EGF: variants seen among roughly 807,000 people sequenced by gnomAD.
The protein encoded by EGF is epidermal growth factor, also known as pro-epidermal growth factor.
Under a neutral mutation model 143.8 loss-of-function variants are expected in EGF, and 95 were observed. That is an observed-to-expected ratio of 0.66 (90% CI 0.56 to 0.78). EGF has a LOEUF of 0.78. EGF is among the 30% of genes least tolerant of loss of function. EGF has a pLI of 0.00. For synonymous variants in EGF, 510 were observed against 510.5 expected, an observed-to-expected ratio of 1.00 and a Z score of 0.01; for missense variants, 1,320 against 1,470.9, an observed-to-expected ratio of 0.90 and a Z score of 1.68.
At chr4:109,998,346 C>G (rs1284033399) in intron 20 of EGF, among the ~76,000 whole-genome samples, 1 of 152,144 alleles carries the variant, frequency 6.6e-6, no homozygotes, top group Non-Finnish European at 1.5e-5. Flanking sequence ...ATGGTTAGTT[C>G]CAGAAGATAG....
intron 18 of EGF, 138 bp from the exon 19 acceptor site, chr4:109,993,109 T>C (rs1289110935): frequency 4.7e-6 from 4 of 849,338 alleles, no homozygotes; most frequent in Non-Finnish European, 6.3e-6. Context: ...AAAATATATA[T>C]TAAAAAAATA....
chr4:109,946,269 A>G (rs1742851825), intron 5 of EGF, among the ~76,000 whole-genome samples: 1 of 152,196 alleles, frequency 6.6e-6, no homozygotes, highest in South Asian at 2.1e-4. Flanking sequence ...ACTCCCCTAC[A>G]TAAAATCCTT....
intron 1 of EGF, among the ~76,000 whole-genome samples, chr4:109,923,770 G>A (rs911897058): frequency 2.0e-5 from 3 of 151,308 alleles, no homozygotes; most frequent in Non-Finnish European, 2.9e-5. Context: ...ACAGGTGTAC[G>A]CCAGCACACC....
chr4:109,982,353 G>T (rs963047076), intron 15 of EGF, among the ~76,000 whole-genome samples: 2 of 150,790 alleles, frequency 1.3e-5, no homozygotes, highest in African/African-American at 4.9e-5. Context: ...TTTGAGACAG[G>T]GTCTTGCTCT....
In EGF at chr4:109,945,057, T is replaced by C. The variant is rs975174696; in HGVS notation, c.738-16T>C. On this transcript the variant is annotated splice_polypyrimidine_tract_variant and intron_variant, in intron 4 of 23. Transcript: ENST00000265171. ...AATGTTCTGTTGTTCTTTTTTCTTT[T>C]GTGGTTGCTTTTTAGGCATAATTTG... 6 of 1,613,240 alleles carry C rather than the reference T, an allele frequency of 3.7e-6. No homozygotes were observed. The African/African-American group carries it at 8.0e-5, about 22-fold the overall frequency.
chr4:109,982,438 C>T (rs1318516492), intron 15 of EGF, among the ~76,000 whole-genome samples: 1 of 152,140 alleles, frequency 6.6e-6, no homozygotes, highest in Non-Finnish European at 1.5e-5. Context: ...AGAGATTCTC[C>T]TGCCTCAGCC....
chr4:110,011,655 A>T lies in EGF; in HGVS notation c.*200A>T. On this transcript the variant is annotated 3_prime_UTR_variant, in exon 24 of 24. Coordinates refer to ENST00000265171, the MANE Select transcript of EGF (RefSeq NM_001963.6). ...TCTCACTGCAGTCTTATTTCCAAGT[A>T]AGAGTACTGGGAGAATCACTAGGTA... 2.5e-6 allele frequency: 2 copies of T among 786,296 alleles called. No individual in the cohort carries two copies. Among genetic ancestry groups the T allele is most frequent in the Non-Finnish European group, 2.0e-6 (1 of 505,914 alleles). 48.7% of individuals were successfully genotyped at this position (786,296 alleles called of 1,614,324 possible).
chr4:109,970,167 C>T (rs764253735), intron 11 of EGF, among the ~76,000 whole-genome samples: 11 of 152,112 alleles, frequency 7.2e-5, no homozygotes, highest in East Asian at 1.9e-4. Flanking sequence ...ATGCAGCCTG[C>T]GTGAACCTCA....
intron 23 of EGF, among the ~76,000 whole-genome samples, chr4:110,008,902 T>C (rs936805823): frequency 1.3e-5 from 2 of 152,230 alleles, no homozygotes; most frequent in Non-Finnish European, 2.9e-5. Flanking sequence ...CCAGAGGACA[T>C]TGTTTCACAG....
At chr4:109,936,344 A>G (rs569827542) in intron 1 of EGF, among the ~76,000 whole-genome samples, 2 of 152,218 alleles carry the variant, frequency 1.3e-5, no homozygotes, top group Admixed American at 6.5e-5. Flanking sequence ...AGAGGTGTTT[A>G]TAGTATTCTC....
At chr4:109,937,769 T>C (rs1398700674) in intron 1 of EGF, among the ~76,000 whole-genome samples, 1 of 152,228 alleles carries the variant, frequency 6.6e-6, no homozygotes, top group East Asian at 1.9e-4. Context: ...CCTTCACTTA[T>C]GAAGCTTAGT....
At chr4:109,966,888 T>C (rs1278058468) in intron 10 of EGF, among the ~76,000 whole-genome samples, 3 of 152,146 alleles carry the variant, frequency 2.0e-5, no homozygotes, top group Non-Finnish European at 4.4e-5. Flanking sequence ...TTAATGGGGT[T>C]ATTTGTTTTT....
At chr4:109,918,732 G>GGACA (rs1283003893) in intron 1 of EGF, among the ~76,000 whole-genome samples, 2 of 152,174 alleles carry the variant, frequency 1.3e-5, no homozygotes, top group African/African-American at 2.4e-5. Flanking sequence ...AGCTGTGAGG[G>GGACA]GACAGACTTT....
At chr4:109,995,010 C>G in intron 20 of EGF, 130 bp downstream of exon 20, 3 of 1,110,222 alleles carry the variant, frequency 2.7e-6, no homozygotes, top group Non-Finnish European at 4.0e-6. Flanking sequence ...TATAAACATA[C>G]ACATATGAAC....
chr4:109,943,271 G>A lies in EGF; in HGVS notation c.345G>A (p.Glu115=). The A allele has an allele frequency of 4.4e-6, 7 of 1,606,422 alleles. No homozygotes were observed. Among genetic ancestry groups the A allele is most frequent in the Non-Finnish European group, 5.9e-6 (7 of 1,176,580 alleles). Residue 115 remains glutamate, a synonymous_variant, in exon 3 of 24, where the codon GAG becomes GAA. Coordinates refer to ENST00000265171, the MANE Select transcript of EGF (RefSeq NM_001963.6). ...TTTTGCAGAGAGTATGTAATATAGA[G>A]AAAAATGTTTCTGGAATGGCAATAA... is the stretch of plus-strand genomic sequence containing the variant. ...GSRQERVCNI[E]KNVSGMAINW... is the part of the protein sequence containing the mutation.
intron 20 of EGF, among the ~76,000 whole-genome samples, chr4:109,998,438 G>A (rs912322279): frequency 6.6e-6 from 1 of 152,194 alleles, no homozygotes; most frequent in African/African-American, 2.4e-5. Flanking sequence ...TGAAATCAGA[G>A]AACCATTGGA....
At chr4:109,938,596 A>G (rs1428228152) in intron 1 of EGF, among the ~76,000 whole-genome samples, 5 of 152,116 alleles carry the variant, frequency 3.3e-5, no homozygotes, top group African/African-American at 1.2e-4. Flanking sequence ...AGAAGAGGCA[A>G]TCTGGTTTTT....
intron 1 of EGF, among the ~76,000 whole-genome samples, chr4:109,932,050 A>G (rs1560642665): frequency 6.6e-6 from 1 of 151,982 alleles, no homozygotes; most frequent in Non-Finnish European, 1.5e-5. Flanking sequence ...TCATGGTGTT[A>G]TGTTGAGGAT....
At chr4:109,975,098 G>A (rs1408999507) in intron 12 of EGF, among the ~76,000 whole-genome samples, 2 of 152,122 alleles carry the variant, frequency 1.3e-5, no homozygotes, top group Non-Finnish European at 2.9e-5. Flanking sequence ...AATTTGCATT[G>A]TTGTTTACTG....
Sources: gnomAD v4.1 joint callset for allele counts (sites outside exome capture counted in the v4.1 genomes callset) on GRCh38, gnomAD v4.1.1 for gene constraint, MANE v1.5 for transcripts, NCBI Gene and HGNC (gene_info 2026-07-23, HGNC 2026-07-21) for gene names.